The following SYTL5 variants were observed in gnomAD, a reference collection of about 807,000 sequenced individuals.
SYTL5 encodes synaptotagmin like 5.
SYTL5 carries 34 observed loss-of-function variants against 55.9 expected under a neutral mutation model. That is an observed-to-expected ratio of 0.61 (90% confidence interval 0.46 to 0.81). The LOEUF (loss-of-function observed/expected upper bound fraction) is 0.81. Ranked by LOEUF, SYTL5 falls within the 30% of genes least tolerant of loss-of-function variation. SYTL5 has a pLI of 0.00. For synonymous variants in SYTL5, 221 were observed against 188.7 expected, an observed-to-expected ratio of 1.17 and a Z score of -1.40; for missense variants, 637 against 546.7, an observed-to-expected ratio of 1.17 and a Z score of -1.65.
At chrX:37,918,226 G>A in the SYTL5 span, among the ~76,000 whole-genome samples, 1 of 111,733 alleles carries the variant, frequency 8.9e-6, no homozygotes, top group African/African-American at 3.3e-5. Flanking sequence ...TGAAGGAGAT[G>A]TTAGTGGATA....
the SYTL5 span, among the ~76,000 whole-genome samples, chrX:37,919,852 A>T: frequency 8.9e-6 from 1 of 112,342 alleles, no homozygotes; most frequent in Admixed American, 9.5e-5. Flanking sequence ...CACTAAAAGC[A>T]CGGAAAAGAA....
chrX:38,002,817 G>T (rs1847380403), upstream of SYTL5, among the ~76,000 whole-genome samples: 1 of 111,467 alleles, frequency 9.0e-6, no homozygotes, highest in African/African-American at 3.3e-5. Flanking sequence ...TCTGTAGGTT[G>T]CCTGTTCACT....
At chrX:37,933,827 C>T in the SYTL5 span, among the ~76,000 whole-genome samples, 1 of 111,515 alleles carries the variant, frequency 9.0e-6, no homozygotes, top group South Asian at 3.8e-4. Context: ...TTATGTCTGA[C>T]TAACCTCAAG....
At chrX:38,011,865 A>G (rs1186460907) in intron 1 of SYTL5, among the ~76,000 whole-genome samples, 1 of 105,405 alleles carries the variant, frequency 9.5e-6, no homozygotes, top group Non-Finnish European at 1.9e-5. Flanking sequence ...ATGTTCTCTC[A>G]CCGTAGTTTA....
the SYTL5 span, among the ~76,000 whole-genome samples, chrX:37,917,332 T>A: frequency 3.6e-5 from 4 of 111,612 alleles, no homozygotes; most frequent in African/African-American, 1.3e-4. Context: ...TTAAGATTTG[T>A]CTCTTCCTTC....
rs1935389406 is a variant in SYTL5, at chrX:38,044,172, T to G, written c.120-10041T>G. ...AAGAACAACACATAAAGGAAACATT[T>G]ATATTCATATTCAACAAATTTCAAA... is the stretch of plus-strand genomic sequence containing the variant. On this transcript the variant is annotated intron_variant, in intron 2 of 16. Transcript: ENST00000297875. Among the ~76,000 whole-genome samples, 7 of 111,648 alleles carry G rather than the reference T, an allele frequency of 6.3e-5. No homozygotes were observed. In the South Asian group the frequency reaches 2.6e-3, roughly 41 times the overall value.
At chrX:37,986,206 AT>A in the SYTL5 span, among the ~76,000 whole-genome samples, 126 of 104,594 alleles carry the variant, frequency 1.2e-3, no homozygotes, top group African/African-American at 1.8e-3. Context: ...AAAGGACACT[AT>A]TTTTTTTTTT....
At chrX:38,023,205 T>G (rs963253356) in intron 1 of SYTL5, among the ~76,000 whole-genome samples, 3 of 112,105 alleles carry the variant, frequency 2.7e-5, no homozygotes, top group African/African-American at 9.7e-5. Flanking sequence ...CCAAATCCAT[T>G]ATTTCCCACA....
chrX:37,897,953 CTG>C, the SYTL5 span, among the ~76,000 whole-genome samples: 2 of 111,529 alleles, frequency 1.8e-5, no homozygotes, highest in Non-Finnish European at 3.8e-5. Context: ...AAAAAATCAA[CTG>C]TGTGTGGAGG....
chrX:37,967,701 G>A, the SYTL5 span, among the ~76,000 whole-genome samples: 1 of 110,485 alleles, frequency 9.1e-6, no homozygotes, highest in African/African-American at 3.3e-5. Flanking sequence ...ATGTTGGTTT[G>A]CTTTATGTTG....
upstream of SYTL5, among the ~76,000 whole-genome samples, chrX:38,006,220 T>G (rs1401268257): frequency 8.9e-6 from 1 of 111,819 alleles, no homozygotes; most frequent in Non-Finnish European, 1.9e-5. Context: ...GTAAAGCACT[T>G]ACAACAGTGC....
Position 38,096,138 on chromosome X carries a change from G to A in SYTL5, c.966G>A (p.Gln322=), listed in dbSNP as rs147477111. 116 of 1,147,898 alleles carry A rather than the reference G, an allele frequency of 1.0e-4. 1 individual carries two copies. In the African/African-American group the frequency reaches 1.9e-3, roughly 19 times the overall value. 94.6% of individuals were successfully genotyped at this position (1,147,898 alleles called of 1,213,427 possible). The change falls in exon 9 of 17, where the codon CAG becomes CAA. Residue 322 remains glutamine, a synonymous_variant. Transcript: ENST00000297875. ...TTTTTCCTTTCCACCTTCCAGATCA[G>A]AGTCGATCTGAGTTAGATTTGAGTG... The part of the protein sequence containing the change: ...AVSGTSLSSD[Q]SRSELDLSES...
chrX:37,948,969 A>G, the SYTL5 span, among the ~76,000 whole-genome samples: 5 of 111,487 alleles, frequency 4.5e-5, no homozygotes, highest in Non-Finnish European at 9.4e-5. Flanking sequence ...TGTAAACTCT[A>G]AAGGTTCCTA....
rs1394074631 is a variant in SYTL5 at position 38,019,768 on chromosome X, TG to T, written c.-357+13103del. Reference sequence around the variant, plus strand: ...CGGGTGCCTCAGCCTCCCAAGTAGCTGGGACTACAGGTGTGTGCCACCATGC... The same window carrying T: ...CGGGTGCCTCAGCCTCCCAAGTAGCTGGACTACAGGTGTGTGCCACCATGC... On this transcript the variant is annotated intron_variant, in intron 1 of 16. Transcript: ENST00000297875. Among the ~76,000 whole-genome samples the T allele has an allele frequency of 2.7e-5, 3 of 111,166 alleles. No individual in the cohort carries two copies. In the Admixed American group the frequency reaches 2.9e-4, roughly 11 times the overall value.
chrX:38,016,765 A>G (rs1447185632), intron 1 of SYTL5, among the ~76,000 whole-genome samples: 1 of 112,209 alleles, frequency 8.9e-6, no homozygotes, highest in East Asian at 2.8e-4. Context: ...CCTTCAAGCT[A>G]CTTACATTAA....
At position 38,127,879 on chromosome X, in the gene SYTL5, G is replaced by A. The variant is rs1937697511; in HGVS notation, c.*1149G>A. 1 of 112,006 alleles carries A rather than the reference G, an allele frequency of 8.9e-6. No individual in the cohort carries two copies. The highest frequency in any genetic ancestry group is 3.2e-5 in the African/African-American group (1 of 30,831). The allele number at this position is 112,006 out of a possible 1,213,427, so 9.2% of individuals were successfully genotyped here. ...TAGCCAGAGCATCTTGATGGCAGAA[G>A]TGCAATAAGATGAGCCCCACTGCTC... On this transcript the variant is annotated 3_prime_UTR_variant, in exon 17 of 17. Coordinates refer to ENST00000297875, the MANE Select transcript of SYTL5 (RefSeq NM_138780.3).
chrX:38,080,901 C>T (rs1936515223), intron 6 of SYTL5, among the ~76,000 whole-genome samples: 2 of 111,565 alleles, frequency 1.8e-5, no homozygotes, highest in Non-Finnish European at 3.8e-5. Context: ...GAGTCAGGAC[C>T]ACATCCACAA....
At chrX:38,107,446 T>C in intron 11 of SYTL5, among the ~76,000 whole-genome samples, 1 of 111,908 alleles carries the variant, frequency 8.9e-6, no homozygotes, top group Non-Finnish European at 1.9e-5. Flanking sequence ...TGAAATGTTG[T>C]CTGCCAAGGA....
Position 38,073,707 on chromosome X carries a change from T to C in SYTL5, c.554+9T>C, listed in dbSNP as rs1157025372. ...GGGCCCAAGAGAAAGGGGTAAGACA[T>C]GGTCTTTCTGAGGGAATTTTTGATC... On this transcript the variant is annotated intron_variant, in intron 5 of 16. Coordinates refer to ENST00000297875, the MANE Select transcript of SYTL5 (RefSeq NM_138780.3). 2 of 1,114,019 alleles carry C rather than the reference T, an allele frequency of 1.8e-6. No homozygotes were observed. Among genetic ancestry groups the C allele is most frequent in the South Asian group, 4.1e-5 (2 of 48,604 alleles). The allele number at this position is 1,114,019 out of a possible 1,213,427, so 91.8% of individuals were successfully genotyped here.
Sources: gnomAD v4.1 joint callset for allele counts (sites outside exome capture counted in the v4.1 genomes callset) on GRCh38, gnomAD v4.1.1 for gene constraint, MANE v1.5 for transcripts, NCBI Gene and HGNC (gene_info 2026-07-23, HGNC 2026-07-21) for gene names.